MAP3K13: variants seen among roughly 807,000 people sequenced by gnomAD.
The protein encoded by MAP3K13 is mitogen-activated protein kinase kinase kinase 13.
Under a neutral mutation model 104.0 loss-of-function variants are expected in MAP3K13, and 52 were observed. The observed-to-expected ratio is 0.50, with a 90% CI of 0.40 to 0.63. MAP3K13 has a LOEUF of 0.63. Among genes scored for constraint, MAP3K13 ranks in the 20% least tolerant of loss-of-function variants. The probability of loss-of-function intolerance (pLI) is 0.00; values close to 1 mark genes in which losing one functional copy is unlikely to be tolerated. For missense variants in MAP3K13, 914 were observed against 1,218.5 expected (o/e 0.75, Z 3.72); for synonymous variants, 394 against 442.2 (o/e 0.89, Z 1.37).
intron 10 of MAP3K13, among the ~76,000 whole-genome samples, chr3:185,472,266 G>A (rs1717847098): frequency 7.2e-6 from 1 of 139,562 alleles, no homozygotes; most frequent in African/African-American, 2.7e-5. Flanking sequence ...CTGGAGTAGT[G>A]TAGTGGCACC....
intron 1 of MAP3K13, among the ~76,000 whole-genome samples, chr3:185,417,317 A>G (rs7646178): frequency 0.24 from 35,895 of 152,110 alleles, 4,890 homozygotes; most frequent in African/African-American, 0.38. Context: ...AAGAGTTTTG[A>G]TGCCTTCACA....
intron 2 of MAP3K13, among the ~76,000 whole-genome samples, chr3:185,310,909 A>G (rs981340826): frequency 2.0e-5 from 3 of 152,168 alleles, no homozygotes; most frequent in Non-Finnish European, 4.4e-5. Flanking sequence ...TCTGCTTTCA[A>G]TATTCACAGT....
At chr3:185,318,621 T>C (rs1390912078) in intron 2 of MAP3K13, among the ~76,000 whole-genome samples, 1 of 152,226 alleles carries the variant, frequency 6.6e-6, no homozygotes, top group Non-Finnish European at 1.5e-5. Context: ...TTGGTAGCTT[T>C]CAAATCTTTT....
intron 1 of MAP3K13, among the ~76,000 whole-genome samples, chr3:185,381,826 AGGT>A (rs1022550212): frequency 1.3e-4 from 20 of 152,238 alleles, no homozygotes; most frequent in African/African-American, 4.8e-4. Context: ...ACATAAAACA[AGGT>A]TATGTATTGA....
At chr3:185,363,536 G>A (rs1723735316) in intron 1 of MAP3K13, among the ~76,000 whole-genome samples, 168 bp downstream of exon 1, 2 of 152,160 alleles carry the variant, frequency 1.3e-5, no homozygotes, top group South Asian at 4.1e-4. Flanking sequence ...TTACAGCTAG[G>A]AGCCTCTGAA....
chr3:185,466,659 G>C (rs111256702), intron 9 of MAP3K13, among the ~76,000 whole-genome samples, 167 bp from the exon 10 acceptor site: 2,770 of 152,178 alleles, frequency 0.018, 98 homozygotes, highest in African/African-American at 0.059. Flanking sequence ...TTACATGCCT[G>C]AGCCACCGAG....
chr3:185,470,032 C>A (rs145541244), intron 10 of MAP3K13, among the ~76,000 whole-genome samples: 34 of 152,236 alleles, frequency 2.2e-4, no homozygotes, highest in African/African-American at 7.0e-4. Flanking sequence ...GAGGCTATTG[C>A]AGGGGTAGGA....
chr3:185,438,063 C>T (rs1229941638), intron 3 of MAP3K13, among the ~76,000 whole-genome samples: 1 of 152,100 alleles, frequency 6.6e-6, no homozygotes, highest in African/African-American at 2.4e-5. Flanking sequence ...GAGGCCAAGG[C>T]AGGCAGATCA....
chr3:185,358,238 C>G (rs111379128), upstream of MAP3K13, among the ~76,000 whole-genome samples: 2 of 151,884 alleles, frequency 1.3e-5, no homozygotes, highest in East Asian at 1.9e-4. Context: ...GCAGCAGGGT[C>G]GAAAAAATGA....
upstream of MAP3K13, among the ~76,000 whole-genome samples, chr3:185,361,098 A>ATATG (rs1419574006): frequency 4.2e-4 from 61 of 146,688 alleles, no homozygotes; most frequent in South Asian, 1.1e-3. Flanking sequence ...ATATATATAT[A>ATATG]TGTGTGTGTG....
chr3:185,482,385 G>C lies in MAP3K13; in HGVS notation c.2830G>C (p.Asp944His). The C allele has an allele frequency of 6.2e-7, 1 of 1,614,120 alleles. No homozygotes were observed. The highest frequency in any genetic ancestry group is 8.5e-7 in the Non-Finnish European group (1 of 1,179,974). ...NPMQFEESDC[D>H]SSDGECSDAT... ...CATGCAGTTTGAAGAATCGGACTGT[G>C]ACTCTTCAGATGGGGAGTGTTCTGA... Residue 944 changes from aspartate to histidine, a missense_variant, in exon 14 of 14, where the codon GAC becomes CAC. By Grantham distance (81) the Asp-to-His change is moderately conservative. Coordinates refer to ENST00000265026, the MANE Select transcript of MAP3K13 (RefSeq NM_004721.5). This position sits in a 1 kb window ranked among gnomAD's most constrained non-coding sequence, Gnocchi z 4.5.
chr3:185,394,558 C>A (rs1368060240), intron 1 of MAP3K13, among the ~76,000 whole-genome samples: 1 of 152,182 alleles, frequency 6.6e-6, no homozygotes, highest in East Asian at 1.9e-4. Flanking sequence ...TACCCCAGAT[C>A]ATATAGCTAC....
intron 2 of MAP3K13, among the ~76,000 whole-genome samples, chr3:185,353,294 A>G (rs1441436921): frequency 6.6e-6 from 1 of 152,238 alleles, no homozygotes; most frequent in Non-Finnish European, 1.5e-5. Context: ...AGATTCAGAG[A>G]GACTCCAGCA....
chr3:185,454,552 TAC>T (rs796433016), intron 7 of MAP3K13, among the ~76,000 whole-genome samples: 14 of 25,934 alleles, frequency 5.4e-4, no homozygotes, highest in South Asian at 1.5e-3. Context: ...ATATGATATA[TAC>T]ACATATATAT....
intron 2 of MAP3K13, among the ~76,000 whole-genome samples, chr3:185,324,208 C>T (rs1230477218): frequency 1.3e-5 from 2 of 151,782 alleles, no homozygotes; most frequent in South Asian, 2.1e-4. Flanking sequence ...TTAGTAGAGA[C>T]GGGGTTTTAC....
intron 2 of MAP3K13, among the ~76,000 whole-genome samples, chr3:185,343,257 G>A (rs994058096): frequency 2.2e-4 from 34 of 152,168 alleles, no homozygotes; most frequent in African/African-American, 7.0e-4. Context: ...GTGTGAACAC[G>A]AGAAGGTAAG....
At chr3:185,476,321 C>T (rs1317039902) in intron 11 of MAP3K13, among the ~76,000 whole-genome samples, 1 of 139,794 alleles carries the variant, frequency 7.2e-6, no homozygotes, top group Non-Finnish European at 1.5e-5. Context: ...CTCATCTCAG[C>T]AGTCAGGATA....
intron 2 of MAP3K13, among the ~76,000 whole-genome samples, chr3:185,434,191 C>T (rs956209515): frequency 6.6e-6 from 1 of 152,068 alleles, no homozygotes; most frequent in African/African-American, 2.4e-5. Context: ...AAAATATTCT[C>T]ATTTGTATCA....
intron 8 of MAP3K13, among the ~76,000 whole-genome samples, chr3:185,464,129 C>CA (rs1717272079): frequency 6.6e-6 from 1 of 152,070 alleles, no homozygotes; most frequent in Non-Finnish European, 1.5e-5. Context: ...ACTAAAAATA[C>CA]AAAAAATTAG....
Sources: gnomAD v4.1 joint callset for allele counts (sites outside exome capture counted in the v4.1 genomes callset) on GRCh38, gnomAD v4.1.1 for gene constraint, Gnocchi (gnomAD v3.1) non-coding constraint, MANE v1.5 for transcripts, NCBI Gene and HGNC (gene_info 2026-07-23, HGNC 2026-07-21) for gene names.